CCDC85A: variants seen among roughly 807,000 people sequenced by gnomAD.
CCDC85A encodes the protein coiled-coil domain containing 85A.
Under a neutral mutation model 50.2 loss-of-function variants are expected in CCDC85A, and 38 were observed. That is an observed-to-expected ratio of 0.76 (90% CI 0.58 to 0.99). The LOEUF (loss-of-function observed/expected upper bound fraction) is 0.99. Ranked by LOEUF, CCDC85A falls within the 50% of genes least tolerant of loss-of-function variation. The pLI is 0.00. For synonymous variants in CCDC85A, 366 were observed against 301.4 expected (o/e 1.21, Z -2.22); for missense variants, 820 against 742.0 (o/e 1.11, Z -1.22).
chr2:56,351,078 C>T (rs1674907794), intron 3 of CCDC85A, among the ~76,000 whole-genome samples: 2 of 130,214 alleles, frequency 1.5e-5, no homozygotes, highest in African/African-American at 5.9e-5. Flanking sequence ...GTTCAATTCC[C>T]ACCTATGAGT....
chr2:56,278,266 A>G (rs1671051145), intron 2 of CCDC85A, among the ~76,000 whole-genome samples: 2 of 151,842 alleles, frequency 1.3e-5, no homozygotes, highest in Non-Finnish European at 2.9e-5. Flanking sequence ...TCATAAATGA[A>G]CTGGACTTTT....
rs1345415074 is a variant in CCDC85A, at chr2:56,385,087, CA to C, written c.*733del. 6.6e-6 allele frequency: 1 copy of C among 151,724 alleles called. No homozygotes were observed. The highest frequency in any genetic ancestry group is 1.5e-5 in the Non-Finnish European group (1 of 67,724). 9.4% of individuals were successfully genotyped at this position (151,724 alleles called of 1,614,324 possible). ...CATCTTAATGAGTTTCTCATAAAGA[CA>C]CATCTTGGGGCATACCAACCTTCAT... On this transcript the variant is annotated 3_prime_UTR_variant, in exon 6 of 6. Coordinates refer to ENST00000407595, the MANE Select transcript of CCDC85A (RefSeq NM_001080433.2).
intron 2 of CCDC85A, among the ~76,000 whole-genome samples, chr2:56,273,915 T>C (rs193170908): frequency 1.3e-5 from 2 of 152,238 alleles, no homozygotes; most frequent in Admixed American, 6.5e-5. Context: ...AAAAAATGAA[T>C]TACAAACTAT....
At chr2:56,320,086 C>G (rs1405167932) in intron 2 of CCDC85A, among the ~76,000 whole-genome samples, 1 of 152,054 alleles carries the variant, frequency 6.6e-6, no homozygotes, top group Non-Finnish European at 1.5e-5. Flanking sequence ...TTATTTGAAA[C>G]CAATGAGAAC....
chr2:56,375,228 C>G (rs1227340693), intron 4 of CCDC85A, among the ~76,000 whole-genome samples: 1 of 152,160 alleles, frequency 6.6e-6, no homozygotes, highest in Non-Finnish European at 1.5e-5. Context: ...AGTTGAAGAA[C>G]CACTAAACTA....
chr2:56,280,178 G>A (rs1671142141), intron 2 of CCDC85A, among the ~76,000 whole-genome samples: 1 of 152,074 alleles, frequency 6.6e-6, no homozygotes, highest in Admixed American at 6.5e-5. Flanking sequence ...AGAATTTGAT[G>A]GTTCATGCAC....
Position 56,372,399 on chromosome 2 carries a change from G to C in CCDC85A, c.1373G>C (p.Gly458Ala), listed in dbSNP as rs374131041. The change falls in exon 4 of 6, where the codon GGC becomes GCC. Residue 458 changes from glycine to alanine, a missense_variant. By Grantham distance (60) the Gly-to-Ala change is moderately conservative. Coordinates refer to ENST00000407595, the MANE Select transcript of CCDC85A (RefSeq NM_001080433.2). ...PTRNSSNMEKGWGSRARRVLQ... is the reference protein window; with the variant it reads ...PTRNSSNMEKAWGSRARRVLQ... ...AGAAACAGCTCAAATATGGAGAAAG[G>C]CTGGGGGTCCAGAGCCCGGCGGGTC... 19 of 1,602,872 alleles carry C rather than the reference G, an allele frequency of 1.2e-5. No individual in the cohort carries two copies. Among genetic ancestry groups the C allele is most frequent in the African/African-American group, 6.7e-5 (5 of 74,698 alleles).
At chr2:56,215,510 G>A (rs1558588169) in intron 2 of CCDC85A, among the ~76,000 whole-genome samples, 1 of 151,260 alleles carries the variant, frequency 6.6e-6, no homozygotes, top group Non-Finnish European at 1.5e-5. Context: ...TGTTAAATGT[G>A]ATGTTAACTG....
Position 56,375,850 on chromosome 2 carries a change from G to GT in CCDC85A, c.1488dup (p.Asn497Ter). 6.2e-7 allele frequency: 1 copy of GT among 1,613,660 alleles called. No individual in the cohort carries two copies. Among genetic ancestry groups the GT allele is most frequent in the Non-Finnish European group, 8.5e-7 (1 of 1,179,718 alleles). The stretch of plus-strand genomic sequence containing the variant: ...AGGTTGTCATCAGGGGCTGATGGGA[G>GT]TAACAGTTCACCCAACTCTGCAGCT... On this transcript the variant is annotated frameshift_variant, in exon 5 of 6. Coordinates refer to ENST00000407595, the MANE Select transcript of CCDC85A (RefSeq NM_001080433.2). LOFTEE classifies it high-confidence loss of function.
intron 2 of CCDC85A, among the ~76,000 whole-genome samples, chr2:56,203,295 G>A (rs1000547893): frequency 6.6e-6 from 1 of 152,046 alleles, no homozygotes; most frequent in African/African-American, 2.4e-5. Context: ...CCCCAGTATA[G>A]TGACTTTCAT....
chr2:56,367,122 A>C (rs1051664229), intron 3 of CCDC85A, among the ~76,000 whole-genome samples: 48 of 152,120 alleles, frequency 3.2e-4, no homozygotes, highest in African/African-American at 1.1e-3. Flanking sequence ...TGCCAATTGT[A>C]TTCTCTATGT....
intron 5 of CCDC85A, among the ~76,000 whole-genome samples, chr2:56,383,399 C>T (rs773062713): frequency 2.6e-5 from 4 of 151,992 alleles, no homozygotes; most frequent in African/African-American, 9.7e-5. Context: ...TGCATGTGCA[C>T]ATACATGCAT....
intron 2 of CCDC85A, among the ~76,000 whole-genome samples, chr2:56,215,772 C>A (rs1412725334): frequency 2.6e-5 from 4 of 151,634 alleles, no homozygotes; most frequent in Non-Finnish European, 5.9e-5. Context: ...TTTTGTATTG[C>A]TTTATAGCTT....
intron 2 of CCDC85A, among the ~76,000 whole-genome samples, chr2:56,286,557 G>T (rs1671452780): frequency 6.6e-6 from 1 of 151,816 alleles, no homozygotes; most frequent in Non-Finnish European, 1.5e-5. Flanking sequence ...ACTAGAATTG[G>T]CTTTCTTTTA....
intron 1 of CCDC85A, among the ~76,000 whole-genome samples, chr2:56,189,380 C>T (rs1000950295): frequency 1.4e-4 from 21 of 148,136 alleles, no homozygotes; most frequent in African/African-American, 5.0e-4. Context: ...CAGCCTCCTC[C>T]TCCCTGGTTC....
At chr2:56,316,751 A>G (rs1672940122) in intron 2 of CCDC85A, among the ~76,000 whole-genome samples, 2 of 152,248 alleles carry the variant, frequency 1.3e-5, no homozygotes, top group South Asian at 2.1e-4. Flanking sequence ...TTGACTGCCC[A>G]TAAATGTTTG....
chr2:56,335,398 T>G (rs1445589847), intron 2 of CCDC85A, among the ~76,000 whole-genome samples: 2 of 152,134 alleles, frequency 1.3e-5, no homozygotes, highest in Admixed American at 1.3e-4. Context: ...TATTGGCCTC[T>G]TTTGCTGAGA....
intron 2 of CCDC85A, among the ~76,000 whole-genome samples, chr2:56,241,882 T>C (rs1232739393): frequency 1.3e-5 from 2 of 152,200 alleles, no homozygotes; most frequent in African/African-American, 4.8e-5. Context: ...GCTCTATTTT[T>C]AGTTATTTTG....
chr2:56,330,910 G>C (rs1673757133), intron 2 of CCDC85A, among the ~76,000 whole-genome samples: 1 of 152,068 alleles, frequency 6.6e-6, no homozygotes, highest in Non-Finnish European at 1.5e-5. Flanking sequence ...ATATCAAAAA[G>C]GTACCTGCAC....
Sources: gnomAD v4.1 joint callset for allele counts (sites outside exome capture counted in the v4.1 genomes callset) on GRCh38, gnomAD v4.1.1 for gene constraint, MANE v1.5 for transcripts, NCBI Gene and HGNC (gene_info 2026-07-23, HGNC 2026-07-21) for gene names.